Variants in GRID2 observed in about 807,000 individuals in gnomAD.
GRID2 encodes glutamate receptor ionotropic, delta-2.
Under a neutral mutation model 114.8 loss-of-function variants are expected in GRID2, and 33 were observed. The ratio of observed to expected loss-of-function variants is 0.29; its 90% CI spans 0.22 to 0.38. The LOEUF is 0.38. Among genes scored for constraint, GRID2 ranks in the 10% least tolerant of loss-of-function variants. GRID2 has a pLI of 1.00. For synonymous variants in GRID2, 505 were observed against 449.9 expected (o/e 1.12, Z -1.55); for missense variants, 1,184 against 1,257.7 (o/e 0.94, Z 0.89).
At chr4:92,515,217 A>G (rs1724442735) in intron 1 of GRID2, among the ~76,000 whole-genome samples, 1 of 151,904 alleles carries the variant, frequency 6.6e-6, no homozygotes, top group Admixed American at 6.6e-5. Flanking sequence ...GCTATATTAA[A>G]ATTCTGTTGT....
At chr4:93,356,710 A>T in intron 8 of GRID2, among the ~76,000 whole-genome samples, 1 of 151,902 alleles carries the variant, frequency 6.6e-6, no homozygotes, top group East Asian at 1.9e-4. Flanking sequence ...GTAAACAAAA[A>T]AAGTTGTACA....
At chr4:93,753,705 G>A (rs1031491346) in intron 14 of GRID2, among the ~76,000 whole-genome samples, 2 of 152,154 alleles carry the variant, frequency 1.3e-5, no homozygotes, top group African/African-American at 4.8e-5. Context: ...GTATTCCATG[G>A]TGTACATGTG....
intron 1 of GRID2, among the ~76,000 whole-genome samples, chr4:92,305,921 G>T (rs1262664514): frequency 6.6e-6 from 1 of 152,180 alleles, no homozygotes; most frequent in African/African-American, 2.4e-5. Flanking sequence ...CTGGGCACAG[G>T]ACTTTTATCT....
At chr4:92,434,224 G>T (rs987096314) in intron 1 of GRID2, among the ~76,000 whole-genome samples, 1 of 152,094 alleles carries the variant, frequency 6.6e-6, no homozygotes, top group African/African-American at 2.4e-5. Context: ...TGGTTTTCAT[G>T]GACTGTTTTT....
rs561610174 is a variant in GRID2, at chr4:92,892,573, C to T, written c.245-192422C>T. On this transcript the variant is annotated intron_variant, in intron 2 of 15. Coordinates refer to ENST00000282020, the MANE Select transcript of GRID2 (RefSeq NM_001510.4). ...TTCTCTGAAAATGTGGCAGCTCATT[C>T]TTTGTTCACAGTGCTGGTTAAAGAG... Among the ~76,000 whole-genome samples, 4 of 152,224 alleles carry T rather than the reference C, an allele frequency of 2.6e-5. No homozygotes were observed. The South Asian group carries it at 6.2e-4, about 24-fold the overall frequency.
intron 8 of GRID2, among the ~76,000 whole-genome samples, chr4:93,371,759 T>C (rs1161641342): frequency 4.2e-5 from 6 of 143,442 alleles, no homozygotes; most frequent in Non-Finnish European, 9.1e-5. Flanking sequence ...TTTTTTTTTT[T>C]TTTTTGGAGA....
At chr4:92,899,922 A>C (rs1747449737) in intron 2 of GRID2, among the ~76,000 whole-genome samples, 1 of 152,180 alleles carries the variant, frequency 6.6e-6, no homozygotes, top group African/African-American at 2.4e-5. Context: ...GCTTGTAATT[A>C]GTCCTAGCCC....
chr4:93,115,125 T>C (rs1733117083), intron 4 of GRID2, among the ~76,000 whole-genome samples: 1 of 151,298 alleles, frequency 6.6e-6, no homozygotes, highest in Non-Finnish European at 1.5e-5. Flanking sequence ...TGTGTGTGTA[T>C]GATATATGAA....
chr4:93,566,904 T>G (rs544684474), intron 13 of GRID2, among the ~76,000 whole-genome samples: 1 of 152,352 alleles, frequency 6.6e-6, no homozygotes, highest in South Asian at 2.1e-4. Flanking sequence ...ACTTTTTATC[T>G]CAACTTTCAA....
At chr4:93,309,821 C>A (rs985707067) in intron 8 of GRID2, among the ~76,000 whole-genome samples, 2 of 152,060 alleles carry the variant, frequency 1.3e-5, no homozygotes, top group Non-Finnish European at 2.9e-5. Context: ...AAGTTAAGTG[C>A]AGGAAGAGGG....
rs75974470 is a variant in GRID2 at position 92,915,365 on chromosome 4, A to C, written c.245-169630A>C. ...ATTAGAATAGGGCTTACTTGGGGCA[A>C]GTATAATGACTGGAAGGCACAAAGA... On this transcript the variant is annotated intron_variant, in intron 2 of 15. Coordinates refer to ENST00000282020, the MANE Select transcript of GRID2 (RefSeq NM_001510.4). Among the ~76,000 whole-genome samples the C allele has an allele frequency of 5.9e-4, 90 of 152,308 alleles. No homozygotes were observed. The East Asian group carries it at 0.016, about 28-fold the overall frequency.
At chr4:93,060,831 G>A (rs1181327790) in intron 2 of GRID2, among the ~76,000 whole-genome samples, 1 of 152,094 alleles carries the variant, frequency 6.6e-6, no homozygotes, top group African/African-American at 2.4e-5. Flanking sequence ...GGCTGGGTGT[G>A]GTGGCTCCCA....
intron 1 of GRID2, among the ~76,000 whole-genome samples, chr4:92,571,402 A>C (rs545177774): frequency 6.6e-6 from 1 of 152,282 alleles, no homozygotes; most frequent in East Asian, 1.9e-4. Flanking sequence ...AGAGACCTAC[A>C]AAGAGACTTA....
chr4:92,688,388 T>C (rs1357218637), intron 2 of GRID2, among the ~76,000 whole-genome samples: 2 of 152,138 alleles, frequency 1.3e-5, no homozygotes, highest in Admixed American at 1.3e-4. Context: ...TAGCGTATAA[T>C]GCTGTCTGAT....
chr4:93,166,007 A>G (rs1738214751), intron 4 of GRID2: 1 of 152,160 alleles, frequency 6.6e-6, no homozygotes, highest in African/African-American at 2.4e-5. Context: ...AATCATATGT[A>G]TAGGCACTTA....
chr4:93,018,899 T>G (rs1236609657), intron 2 of GRID2, among the ~76,000 whole-genome samples: 2 of 152,050 alleles, frequency 1.3e-5, no homozygotes, highest in Admixed American at 6.6e-5. Flanking sequence ...AACTTTTACA[T>G]TAAAAGTAAA....
At chr4:92,901,085 A>G (rs1040629804) in intron 2 of GRID2, among the ~76,000 whole-genome samples, 1 of 152,146 alleles carries the variant, frequency 6.6e-6, no homozygotes, top group Non-Finnish European at 1.5e-5. Flanking sequence ...CGGGGGGATT[A>G]GATACCCCAT....
intron 13 of GRID2, among the ~76,000 whole-genome samples, chr4:93,541,511 G>A (rs1452845128): frequency 6.6e-6 from 1 of 152,062 alleles, no homozygotes; most frequent in Non-Finnish European, 1.5e-5. Context: ...CCCGGTGTGA[G>A]AATAAGAATT....
At chr4:93,167,871 T>C (rs1190131632) in intron 4 of GRID2, among the ~76,000 whole-genome samples, 1 of 152,022 alleles carries the variant, frequency 6.6e-6, no homozygotes, top group East Asian at 1.9e-4. Context: ...CAAAGTAACT[T>C]AGGGTGGTGG....
Sources: allele counts gnomAD v4.1 joint callset (sites outside exome capture counted in the v4.1 genomes callset), GRCh38; gene constraint gnomAD v4.1.1; transcripts MANE v1.5; gene names NCBI Gene and HGNC (gene_info 2026-07-23, HGNC 2026-07-21).